ANKS1B: variants seen among roughly 807,000 people sequenced by gnomAD.
The protein encoded by ANKS1B is ankyrin repeat and sterile alpha motif domain-containing protein 1B.
A neutral mutation model predicts 148.3 loss-of-function variants in ANKS1B; 36 were observed. The observed-to-expected ratio is 0.24, with a 90% CI of 0.19 to 0.32. ANKS1B has a LOEUF of 0.32. Among genes scored for constraint, ANKS1B ranks in the 10% least tolerant of loss-of-function variants. The probability of loss-of-function intolerance (pLI) is 1.00; values close to 1 mark genes in which losing one functional copy is unlikely to be tolerated. For missense variants in ANKS1B, 1,157 were observed against 1,542.6 expected (o/e 0.75, Z 4.19); for synonymous variants, 542 against 560.8 (o/e 0.97, Z 0.47).
chr12:99,532,549 A>G (rs1232783227), intron 9 of ANKS1B, among the ~76,000 whole-genome samples: 1 of 152,052 alleles, frequency 6.6e-6, no homozygotes, highest in East Asian at 1.9e-4. Flanking sequence ...TTTAGTACAG[A>G]CGGGGTTTCA....
chr12:99,655,353 T>G, intron 8 of ANKS1B, 143 bp from the exon 9 acceptor site: 2 of 651,422 alleles, frequency 3.1e-6, no homozygotes, highest in Non-Finnish European at 4.8e-6. Context: ...GGCTGTGCCC[T>G]GTGCCTGAGA....
chr12:99,071,047 TGAACA>T (rs1473773731), intron 16 of ANKS1B, among the ~76,000 whole-genome samples: 11 of 152,220 alleles, frequency 7.2e-5, no homozygotes, highest in Non-Finnish European at 1.5e-4. Context: ...CCTGATTCCC[TGAACA>T]GAAGAGACCT....
chr12:98,913,819 C>A (rs1477752774), intron 17 of ANKS1B, among the ~76,000 whole-genome samples: 1 of 152,098 alleles, frequency 6.6e-6, no homozygotes, highest in African/African-American at 2.4e-5. Context: ...TTAGTAGAGA[C>A]AAGGTTTTGC....
At chr12:99,900,358 T>A (rs191154242) in intron 1 of ANKS1B, among the ~76,000 whole-genome samples, 2,231 of 151,520 alleles carry the variant, frequency 0.015, 61 homozygotes, top group African/African-American at 0.052. Context: ...ATACAAAAAT[T>A]AGCCAGGTAT....
intron 9 of ANKS1B, among the ~76,000 whole-genome samples, chr12:99,643,387 T>C (rs917800456): frequency 7.9e-5 from 12 of 152,162 alleles, no homozygotes; most frequent in Non-Finnish European, 1.3e-4. Context: ...GAAACAATTA[T>C]AGATATCCCC....
At chr12:99,464,832 T>G (rs2096067444) in intron 10 of ANKS1B, among the ~76,000 whole-genome samples, 1 of 152,166 alleles carries the variant, frequency 6.6e-6, no homozygotes, top group African/African-American at 2.4e-5. Flanking sequence ...TACCTGAAAG[T>G]GACGGGGAGA....
intron 8 of ANKS1B, among the ~76,000 whole-genome samples, chr12:99,655,476 T>C (rs929676156): frequency 3.3e-5 from 5 of 152,152 alleles, no homozygotes; most frequent in South Asian, 2.1e-4. Context: ...AATGGCCTAA[T>C]AAAATATTTG....
At chr12:99,516,715 T>C (rs990308594) in intron 9 of ANKS1B, among the ~76,000 whole-genome samples, 5 of 152,054 alleles carry the variant, frequency 3.3e-5, no homozygotes, top group Admixed American at 3.3e-4. Context: ...CAAACCTGCA[T>C]GTTCTCCATG....
At chr12:99,604,988 G>T (rs1353552782) in intron 9 of ANKS1B, among the ~76,000 whole-genome samples, 3 of 151,752 alleles carry the variant, frequency 2.0e-5, no homozygotes, top group Non-Finnish European at 2.9e-5. Context: ...ACACAAAATT[G>T]TTTCCTAGGC....
In ANKS1B at chr12:98,961,813, G is replaced by A. The variant is rs1045242363; in HGVS notation, c.2778+91344C>T. Reference sequence around the variant, plus strand: ...TCTCTTTGCTTGTTTGTTAGTCTATGCAATCAGTATTAAGTTGTCATCCAT... The same window carrying A: ...TCTCTTTGCTTGTTTGTTAGTCTATACAATCAGTATTAAGTTGTCATCCAT... On this transcript the variant is annotated intron_variant, in intron 17 of 26. Coordinates refer to ENST00000683438, the MANE Select transcript of ANKS1B (RefSeq NM_001352186.2). 1.3e-5 allele frequency among the ~76,000 whole-genome samples: 2 copies of A among 152,086 alleles called. 1 individual carries two copies. The highest frequency in any genetic ancestry group is 3.9e-4 in the East Asian group (2 of 5,186).
At chr12:99,881,406 G>A (rs1350512248) in intron 1 of ANKS1B, among the ~76,000 whole-genome samples, 1 of 152,206 alleles carries the variant, frequency 6.6e-6, no homozygotes, top group East Asian at 1.9e-4. Flanking sequence ...CCACAAGAGA[G>A]AGGCAAACTC....
chr12:98,745,514 C>A lies in ANKS1B; in HGVS notation c.*225G>T. The A allele has an allele frequency of 3.2e-6, 4 of 1,250,734 alleles. No individual in the cohort carries two copies. The highest frequency in any genetic ancestry group is 4.0e-6 in the Non-Finnish European group (4 of 992,548). The allele number at this position is 1,250,734 out of a possible 1,614,324, so 77.5% of individuals were successfully genotyped here. ...GTCGGGAGCATCAGGGAAAACCCAT[C>A]TCAACTCACGCCTCTCAGGGGTTGC... is the stretch of plus-strand genomic sequence containing the variant. On this transcript the variant is annotated 3_prime_UTR_variant, in exon 27 of 27. Transcript: ENST00000683438.
At chr12:98,973,329 T>C (rs991900517) in intron 17 of ANKS1B, among the ~76,000 whole-genome samples, 5 of 152,182 alleles carry the variant, frequency 3.3e-5, no homozygotes, top group African/African-American at 1.2e-4. Context: ...ACAAGCAGTA[T>C]AGAATACCCA....
At chr12:99,580,578 AC>A (rs1409745326) in intron 9 of ANKS1B, among the ~76,000 whole-genome samples, 1 of 152,156 alleles carries the variant, frequency 6.6e-6, no homozygotes, top group Non-Finnish European at 1.5e-5. Context: ...AATGGTGGCT[AC>A]CAGAGGTTGG....
At chr12:99,548,424 A>T (rs567522219) in intron 9 of ANKS1B, among the ~76,000 whole-genome samples, 1 of 152,330 alleles carries the variant, frequency 6.6e-6, no homozygotes, top group East Asian at 1.9e-4. Flanking sequence ...GAAAGAAAGA[A>T]GGAAGAAATA....
At chr12:99,154,804 C>G (rs1300614636) in intron 14 of ANKS1B, 16 of 1,494,046 alleles carry the variant, frequency 1.1e-5, no homozygotes, top group African/African-American at 1.4e-5. Context: ...TCAAGTACTC[C>G]TACACTCATC....
intron 17 of ANKS1B, among the ~76,000 whole-genome samples, chr12:98,937,906 G>GAA (rs1346730125): frequency 6.6e-6 from 1 of 151,896 alleles, no homozygotes; most frequent in Admixed American, 6.6e-5. Context: ...GAGAGAGAGA[G>GAA]AGAGAGAGTG....
chr12:99,648,759 TGTGTTGGAGGAA>T, intron 9 of ANKS1B: 2 of 1,613,048 alleles, frequency 1.2e-6, no homozygotes, highest in Non-Finnish European at 1.7e-6. Flanking sequence ...TGGACTCATC[TGTGTTGGAGGAA>T]GTGCAGAGGA....
At chr12:98,781,451 A>T (rs2153516604) in intron 23 of ANKS1B, 1 of 587,868 alleles carries the variant, frequency 1.7e-6, no homozygotes, top group Non-Finnish European at 3.2e-6. Context: ...AGGATCTAAA[A>T]AGAGTTTGTT....
Sources: gnomAD v4.1 joint callset for allele counts (sites outside exome capture counted in the v4.1 genomes callset) on GRCh38, gnomAD v4.1.1 for gene constraint, MANE v1.5 for transcripts, NCBI Gene and HGNC (gene_info 2026-07-23, HGNC 2026-07-21) for gene names.